Variants in NUP205 observed in about 807,000 individuals in gnomAD.
NUP205 encodes the protein nucleoporin 205.
In NUP205, 76 loss-of-function variants were observed where a neutral mutation model predicts 253.8. That is an observed-to-expected ratio of 0.30 (90% CI 0.25 to 0.36). The LOEUF is 0.36. Among genes scored for constraint, NUP205 ranks in the 10% least tolerant of loss-of-function variants. The probability of loss-of-function intolerance (pLI) is 1.00; values close to 1 mark genes in which losing one functional copy is unlikely to be tolerated. For synonymous variants in NUP205, 832 were observed against 850.1 expected (o/e 0.98, Z 0.37); for missense variants, 2,162 against 2,425.5 (o/e 0.89, Z 2.28).
At position 135,617,187 on chromosome 7, in the gene NUP205, A is replaced by T; in HGVS notation, c.3630A>T (p.Glu1210Asp). The change falls in exon 26 of 43, where the codon GAA becomes GAT. Residue 1210 changes from glutamate to aspartate, a missense_variant. Physicochemically the swap from Glu to Asp is conservative, Grantham distance 45. This residue lies in a region of NUP205 where 1,144 missense variants were observed against 1,280.9 expected (regional missense o/e 0.89). Transcript: ENST00000285968. ...ATTTTTTTGATCGGGCCCAGATTGA[A>T]CAAGTTATTGCTAACTGTGAACACA... ...QLDFFDRAQI[E>D]QVIANCEHKN... 6.2e-7 allele frequency: 1 copy of T among 1,613,966 alleles called. No homozygotes were observed. Among genetic ancestry groups the T allele is most frequent in the African/African-American group, 1.3e-5 (1 of 75,040 alleles).
At chr7:135,586,913 A>G (rs1344607846) in intron 8 of NUP205, among the ~76,000 whole-genome samples, 3 of 152,174 alleles carry the variant, frequency 2.0e-5, no homozygotes, top group Admixed American at 6.5e-5. Flanking sequence ...GGAATGTTCT[A>G]CAAGTGTCAA....
At chr7:135,645,258 C>T (rs1399330449) in intron 40 of NUP205, among the ~76,000 whole-genome samples, 1 of 152,204 alleles carries the variant, frequency 6.6e-6, no homozygotes, top group African/African-American at 2.4e-5. Context: ...CATGAGACTG[C>T]TGGCACAGGA....
At chr7:135,584,089 C>A (rs572649464) in intron 7 of NUP205, among the ~76,000 whole-genome samples, 2 of 152,196 alleles carry the variant, frequency 1.3e-5, no homozygotes, top group African/African-American at 4.8e-5. Context: ...GGATTACAGG[C>A]ATGAGCCACC....
Position 135,606,203 on chromosome 7 carries a change from A to G in NUP205, c.2882A>G (p.Glu961Gly). 2 of 1,612,296 alleles carry G rather than the reference A, an allele frequency of 1.2e-6. No individual in the cohort carries two copies. The highest frequency in any genetic ancestry group is 1.7e-6 in the Non-Finnish European group (2 of 1,178,484). Reference sequence around the variant, plus strand: ...GAGTGTTTGGATTGTGAAGATGCAGAAGAATTTGTACGTCTGGAAGAGGGT... The same window carrying G: ...GAGTGTTTGGATTGTGAAGATGCAGGAGAATTTGTACGTCTGGAAGAGGGT... ...FVECLDCEDA[E>G]EFVRLEEGSE... The change falls in exon 20 of 43, where the codon GAA becomes GGA. Residue 961 changes from glutamate to glycine, a missense_variant. Coordinates refer to ENST00000285968, the MANE Select transcript of NUP205 (RefSeq NM_015135.3).
Position 135,557,928 on chromosome 7 carries a change from G to A in NUP205, c.-17G>A. On this transcript the variant is annotated 5_prime_UTR_variant, in exon 1 of 43. Coordinates refer to ENST00000285968, the MANE Select transcript of NUP205 (RefSeq NM_015135.3). The stretch of plus-strand genomic sequence containing the variant: ...GGCCTCCATGCGGCAGAAGGGCTCT[G>A]TTAGTGCGCCTCTAAGATGGCGACG... 6.2e-7 allele frequency: 1 copy of A among 1,613,206 alleles called. No individual in the cohort carries two copies. Among genetic ancestry groups the A allele is most frequent in the Non-Finnish European group, 8.5e-7 (1 of 1,179,120 alleles).
At chr7:135,583,045 G>C (rs746778944) in intron 7 of NUP205, among the ~76,000 whole-genome samples, 8 of 151,704 alleles carry the variant, frequency 5.3e-5, no homozygotes, top group African/African-American at 1.9e-4. Flanking sequence ...AGTTGAGATC[G>C]TGCCACTGCA....
chr7:135,627,890 T>A, intron 33 of NUP205, 83 bp from the exon 34 acceptor site: 2 of 1,389,232 alleles, frequency 1.4e-6, no homozygotes, highest in Non-Finnish European at 2.0e-6. Flanking sequence ...CGGCTCTGAT[T>A]TATTTGCCAT....
chr7:135,626,011 G>A (rs1162994617), intron 32 of NUP205, among the ~76,000 whole-genome samples: 3 of 152,114 alleles, frequency 2.0e-5, no homozygotes, highest in Non-Finnish European at 2.9e-5. Context: ...CACTGTAAAC[G>A]AATACTTGAA....
intron 1 of NUP205, among the ~76,000 whole-genome samples, chr7:135,563,997 A>C (rs1805669313): frequency 6.6e-6 from 1 of 151,808 alleles, no homozygotes; most frequent in African/African-American, 2.4e-5. Context: ...AAAAACAAAC[A>C]AAAAAAAGGT....
chr7:135,647,746 TAAA>T (rs1228266872), intron 42 of NUP205, among the ~76,000 whole-genome samples: 3 of 152,200 alleles, frequency 2.0e-5, no homozygotes, highest in Non-Finnish European at 4.4e-5. Context: ...GCAGGATTAA[TAAA>T]TAATCTCACA....
At position 135,643,120 on chromosome 7, in the gene NUP205, A is replaced by G. The variant is rs571879311; in HGVS notation, c.5393-72A>G. 23 of 1,443,882 alleles carry G rather than the reference A, an allele frequency of 1.6e-5. No homozygotes were observed. The African/African-American group carries it at 3.2e-4, about 20-fold the overall frequency. 89.4% of individuals were successfully genotyped at this position (1,443,882 alleles called of 1,614,324 possible). On this transcript the variant is annotated intron_variant, in intron 38 of 42. Transcript: ENST00000285968. Reference sequence around the variant, plus strand: ...TAAATTCTGGGGCATCCCTTGTTTTAAAACAGGTCATTTGAAATTCATATG... The same window carrying G: ...TAAATTCTGGGGCATCCCTTGTTTTGAAACAGGTCATTTGAAATTCATATG...
At position 135,617,638 on chromosome 7, in the gene NUP205, C is replaced by G. The variant is rs200947087; in HGVS notation, c.3727C>G (p.Leu1243Val). ...GGTTCTTGTAGCTGAAGTAAATGCC[C>G]TTCAGGGTATGGCAGCCATAGGACA... ...HRVLVAEVNA[L>V]QGMAAIGQRP... Residue 1243 changes from leucine to valine, a missense_variant, in exon 27 of 43, where the codon CTT becomes GTT. Transcript: ENST00000285968. 4 of 1,612,938 alleles carry G rather than the reference C, an allele frequency of 2.5e-6. No homozygotes were observed. The highest frequency in any genetic ancestry group is 3.4e-6 in the Non-Finnish European group (4 of 1,179,160).
At chr7:135,601,573 A>C in intron 17 of NUP205, 66 bp downstream of exon 17, 1 of 1,512,174 alleles carries the variant, frequency 6.6e-7, no homozygotes, top group Non-Finnish European at 9.0e-7. Context: ...GTAAACTGAG[A>C]ATTTGAAATA....
chr7:135,588,684 G>A (rs974018511), intron 10 of NUP205, among the ~76,000 whole-genome samples: 2 of 151,114 alleles, frequency 1.3e-5, no homozygotes, highest in African/African-American at 4.9e-5. Flanking sequence ...TTACAGGCAT[G>A]AGCACTGTGC....
At chr7:135,599,899 T>C (rs1398676521) in intron 15 of NUP205, among the ~76,000 whole-genome samples, 1 of 152,220 alleles carries the variant, frequency 6.6e-6, no homozygotes, top group Admixed American at 6.5e-5. Context: ...TTAGAGGCAA[T>C]TGGTATGTTT....
chr7:135,635,892 T>G (rs1301540090), intron 36 of NUP205, among the ~76,000 whole-genome samples: 1 of 152,134 alleles, frequency 6.6e-6, no homozygotes, highest in Non-Finnish European at 1.5e-5. Flanking sequence ...TTTTTACTCC[T>G]TTTCTTCCAT....
At chr7:135,629,588 A>C (rs1448442076) in intron 34 of NUP205, among the ~76,000 whole-genome samples, 4 of 148,838 alleles carry the variant, frequency 2.7e-5, no homozygotes, top group Non-Finnish European at 5.9e-5. Context: ...GTGCAGTGGC[A>C]CGATTCCAGC....
At chr7:135,620,275 T>C (rs1794448412) in intron 30 of NUP205, among the ~76,000 whole-genome samples, 1 of 152,234 alleles carries the variant, frequency 6.6e-6, no homozygotes, top group Non-Finnish European at 1.5e-5. Flanking sequence ...GGCTCACGCC[T>C]GTAATCCTAG....
Position 135,564,894 on chromosome 7 carries a change from G to A in NUP205, c.29-6211G>A, listed in dbSNP as rs996721146. Among the ~76,000 whole-genome samples the A allele has an allele frequency of 7.3e-5, 11 of 151,324 alleles. No homozygotes were observed. The East Asian group carries it at 2.2e-3, about 30-fold the overall frequency. On this transcript the variant is annotated intron_variant, in intron 1 of 42. Coordinates refer to ENST00000285968, the MANE Select transcript of NUP205 (RefSeq NM_015135.3). ...CGATTCTCCCACCTCAGCCTCCTGA[G>A]TAGCTGGGATTACAGGTGCACGCCA... is the stretch of plus-strand genomic sequence containing the variant.
Sources: gnomAD v4.1 joint callset for allele counts (sites outside exome capture counted in the v4.1 genomes callset) on GRCh38, gnomAD v4.1.1 for gene constraint, gnomAD v4.1.1 regional missense constraint, MANE v1.5 for transcripts, NCBI Gene and HGNC (gene_info 2026-07-23, HGNC 2026-07-21) for gene names.